EXOC5: variants seen among roughly 807,000 people sequenced by gnomAD.
EXOC5 encodes SEC10-like 1.
A neutral mutation model predicts 90.8 loss-of-function variants in EXOC5; 17 were observed. The ratio of observed to expected loss-of-function variants is 0.19; its 90% CI spans 0.13 to 0.28. The LOEUF (loss-of-function observed/expected upper bound fraction) is 0.28, where lower values mean the gene tolerates loss of function less well. Among genes scored for constraint, EXOC5 ranks in the 10% least tolerant of loss-of-function variants. EXOC5 has a pLI of 1.00. For missense variants in EXOC5, 569 were observed against 830.6 expected (o/e 0.69, Z 3.87); for synonymous variants, 260 against 270.0 (o/e 0.96, Z 0.36).
intron 15 of EXOC5, among the ~76,000 whole-genome samples, chr14:57,210,651 G>C (rs1279760812): frequency 1.3e-5 from 2 of 152,124 alleles, no homozygotes; most frequent in Non-Finnish European, 2.9e-5. Context: ...CACCCATGTG[G>C]ACAATCCGTG....
chr14:57,238,877 T>A (rs1187103243), intron 5 of EXOC5, among the ~76,000 whole-genome samples: 1 of 152,098 alleles, frequency 6.6e-6, no homozygotes, highest in South Asian at 2.1e-4. Context: ...ATATATTAAA[T>A]CATATTTCTT....
intron 1 of EXOC5, among the ~76,000 whole-genome samples, chr14:57,267,454 A>G (rs1022150223): frequency 6.6e-6 from 1 of 152,246 alleles, no homozygotes; most frequent in African/African-American, 2.4e-5. Context: ...TGTGGCATTC[A>G]AATTGTAAGC....
chr14:57,239,806 A>C, intron 4 of EXOC5, 147 bp from the exon 5 acceptor site: 1 of 545,210 alleles, frequency 1.8e-6, no homozygotes. Context: ...ACAACAAATA[A>C]AACTTTATGA....
chr14:57,262,355 G>T (rs1188834322), intron 1 of EXOC5, among the ~76,000 whole-genome samples: 4 of 152,006 alleles, frequency 2.6e-5, no homozygotes, highest in Non-Finnish European at 5.9e-5. Flanking sequence ...CACACAACTA[G>T]TAAGAGGCAG....
At chr14:57,210,770 A>G (rs949917358) in intron 15 of EXOC5, among the ~76,000 whole-genome samples, 2 of 152,178 alleles carry the variant, frequency 1.3e-5, no homozygotes, top group East Asian at 3.8e-4. Flanking sequence ...AAAAGATGAC[A>G]TGTCATTCAT....
chr14:57,215,283 C>T (rs1882941680), intron 15 of EXOC5, among the ~76,000 whole-genome samples: 1 of 151,566 alleles, frequency 6.6e-6, no homozygotes, highest in Non-Finnish European at 1.5e-5. Flanking sequence ...CAAACTTTTT[C>T]AAACAATGGA....
At chr14:57,247,526 G>C (rs1258290207) in intron 2 of EXOC5, 92 bp downstream of exon 2, 1 of 524,154 alleles carries the variant, frequency 1.9e-6, no homozygotes, top group African/African-American at 2.0e-5. Flanking sequence ...TCCTTGTAGA[G>C]GAATGCTGAA....
At chr14:57,221,242 A>G (rs1177307271) in intron 13 of EXOC5, among the ~76,000 whole-genome samples, 2 of 152,196 alleles carry the variant, frequency 1.3e-5, no homozygotes, top group African/African-American at 4.8e-5. Flanking sequence ...GTGCAAAGAG[A>G]CTAAGCAAGG....
Position 57,231,590 on chromosome 14 carries a change from C to G in EXOC5, c.1064G>C (p.Gly355Ala). 1.9e-6 allele frequency: 3 copies of G among 1,612,916 alleles called. No homozygotes were observed. Among genetic ancestry groups the G allele is most frequent in the South Asian group, 1.1e-5 (1 of 91,034 alleles). ...CATAGCACTTCTGCTTTTCAAATAT[C>G]CAGTCTCCACCTCAATATAGTTCTC... is the stretch of plus-strand genomic sequence containing the variant. ...YLENYIEVET[G>A]YLKSRSAMIL... The change falls in exon 11 of 18, where the codon GGA (glycine) becomes GCA (alanine). Residue 355 changes from glycine (G) to alanine (A), a missense_variant. Physicochemically the swap from Gly to Ala is moderately conservative, Grantham distance 60. Coordinates refer to ENST00000621441, the MANE Select transcript of EXOC5 (RefSeq NM_006544.4).
At chr14:57,233,695 T>C (rs1232771425) in intron 9 of EXOC5, 48 bp downstream of exon 9, 7 of 1,166,366 alleles carry the variant, frequency 6.0e-6, no homozygotes, top group Non-Finnish European at 8.5e-6. Context: ...AGGGAAAAAA[T>C]TACATATTGC....
chr14:57,207,759 A>G lies in EXOC5; in HGVS notation c.*850T>C, dbSNP rs1352073471. The G allele has an allele frequency of 1.3e-5, 2 of 152,240 alleles. No homozygotes were observed. Among genetic ancestry groups the G allele is most frequent in the African/African-American group, 2.4e-5 (1 of 41,574 alleles). The allele number at this position is 152,240 out of a possible 1,614,324, so 9.4% of individuals were successfully genotyped here. ...AGTATTTCCTATATGCACCATTTAG[A>G]CTATACCTCACTTTTTTTTACTTCC... On this transcript the variant is annotated 3_prime_UTR_variant, in exon 18 of 18. Transcript: ENST00000621441.
At chr14:57,217,740 A>T (rs1883015536) in intron 15 of EXOC5, among the ~76,000 whole-genome samples, 1 of 152,142 alleles carries the variant, frequency 6.6e-6, no homozygotes, top group South Asian at 2.1e-4. Flanking sequence ...AAAAGCTAGA[A>T]ATGATTAAGC....
At chr14:57,248,108 T>A (rs74861673) in intron 1 of EXOC5, among the ~76,000 whole-genome samples, 2 of 151,362 alleles carry the variant, frequency 1.3e-5, no homozygotes, top group African/African-American at 4.8e-5. Flanking sequence ...TTTTTTTTTT[T>A]AATTATAATG....
chr14:57,237,407 T>G, intron 5 of EXOC5, 41 bp from the exon 6 acceptor site: 1 of 1,399,698 alleles, frequency 7.1e-7, no homozygotes, highest in Non-Finnish European at 9.9e-7. Flanking sequence ...TTAGTTGTGA[T>G]AAACATCCTA....
rs191977988 is a variant in EXOC5 at position 57,229,188 on chromosome 14, T to C, written c.1296+546A>G. Among the ~76,000 whole-genome samples, 153 of 152,290 alleles carry C rather than the reference T, an allele frequency of 1.0e-3. 3 individuals are homozygous for C. The East Asian group carries it at 0.026, about 26-fold the overall frequency. On this transcript the variant is annotated intron_variant, in intron 12 of 17. Transcript: ENST00000621441. ...AAATTTGATCTGCTCAACTTTAATT[T>C]AAAGTTATATTCACATTTATTCCTA...
intron 7 of EXOC5, among the ~76,000 whole-genome samples, chr14:57,234,733 T>C (rs1407971241): frequency 6.6e-6 from 1 of 151,532 alleles, no homozygotes. Context: ...TCCGGCTAAT[T>C]TTTGTATTTT....
Position 57,201,676 on chromosome 14 carries a change from G to A in EXOC5, c.*6933C>T, listed in dbSNP as rs538947272. ...GAGGTGGGCAGATCACTTAAGGCTA[G>A]GAGTTTGACACCAGCCTGACCAACA... On this transcript the variant is annotated 3_prime_UTR_variant, in exon 18 of 18. Transcript: ENST00000621441. The A allele has an allele frequency of 6.6e-6, 1 of 150,438 alleles. No homozygotes were observed. Among genetic ancestry groups the A allele is most frequent in the Admixed American group, 6.7e-5 (1 of 15,026 alleles). 9.3% of individuals were successfully genotyped at this position (150,438 alleles called of 1,614,324 possible).
At chr14:57,253,993 C>T (rs538541642) in intron 1 of EXOC5, among the ~76,000 whole-genome samples, 80 of 152,060 alleles carry the variant, frequency 5.3e-4, no homozygotes, top group Middle Eastern at 3.4e-3. Flanking sequence ...AAAAATAGAC[C>T]AATCAGACTT....
chr14:57,262,610 T>C (rs977532517), intron 1 of EXOC5, among the ~76,000 whole-genome samples: 6 of 147,194 alleles, frequency 4.1e-5, no homozygotes, highest in Admixed American at 1.4e-4. Context: ...AGTATATATA[T>C]ACATATATGT....
Sources: allele counts gnomAD v4.1 joint callset (sites outside exome capture counted in the v4.1 genomes callset), GRCh38; gene constraint gnomAD v4.1.1; transcripts MANE v1.5; gene names NCBI Gene and HGNC (gene_info 2026-07-23, HGNC 2026-07-21).